FAT3: variants seen among roughly 807,000 people sequenced by gnomAD.
FAT3 encodes protocadherin Fat 3.
A neutral mutation model predicts 310.2 loss-of-function variants in FAT3; 95 were observed. The observed-to-expected ratio is 0.31, with a 90% CI of 0.26 to 0.36. FAT3 has a LOEUF of 0.36. Among genes scored for constraint, FAT3 ranks in the 10% least tolerant of loss-of-function variants. The pLI is 1.00. For missense variants in FAT3, 5,408 were observed against 5,715.6 expected, an observed-to-expected ratio of 0.95 and a Z score of 1.74; for synonymous variants, 2,314 against 2,192.9, an observed-to-expected ratio of 1.06 and a Z score of -1.54.
rs1757255479 is a variant in FAT3 at position 92,696,664 on chromosome 11, A to G, written c.3608-720A>G. On this transcript the variant is annotated intron_variant, in intron 3 of 27. Coordinates refer to ENST00000525166, the MANE Select transcript of FAT3 (RefSeq NM_001367949.2). ...TGACAAAAGGAATAATAAAACCTGC[A>G]AAAGACAAATTGGTGCAATAAGCTG... Among the ~76,000 whole-genome samples the G allele has an allele frequency of 2.0e-5, 3 of 152,234 alleles. 1 individual carries two copies. In the South Asian group the frequency reaches 6.2e-4, roughly 32 times the overall value.
rs61901552 is a variant in FAT3, at chr11:92,473,226, C to T, written c.3293-51408C>T. ...AAACTATGTTCTTCATGTTTGTATACTTAATTGGCGCAGTACTTACCATAG... is the reference window on the plus strand; with the variant it reads ...AAACTATGTTCTTCATGTTTGTATATTTAATTGGCGCAGTACTTACCATAG... On this transcript the variant is annotated intron_variant, in intron 2 of 27. Coordinates refer to ENST00000525166, the MANE Select transcript of FAT3 (RefSeq NM_001367949.2). Among the ~76,000 whole-genome samples, 826 of 152,220 alleles carry T rather than the reference C, an allele frequency of 5.4e-3. 9 individuals are homozygous for T. The highest frequency in any genetic ancestry group is 0.017 in the Middle Eastern group (5 of 294).
At chr11:92,262,139 G>GT (rs1865586930) in intron 1 of FAT3, among the ~76,000 whole-genome samples, 1 of 152,022 alleles carries the variant, frequency 6.6e-6, no homozygotes, top group African/African-American at 2.4e-5. Flanking sequence ...TGGAATAGTG[G>GT]TAAGAACCTC....
intron 4 of FAT3, among the ~76,000 whole-genome samples, chr11:92,714,836 T>TTGAA (rs903556159): frequency 4.5e-4 from 68 of 152,230 alleles, no homozygotes; most frequent in Middle Eastern, 3.4e-3. Flanking sequence ...AACTATTTAG[T>TTGAA]TGAATGAATG....
At chr11:92,777,249 A>C (rs1946621983) in intron 7 of FAT3, among the ~76,000 whole-genome samples, 1 of 152,210 alleles carries the variant, frequency 6.6e-6, no homozygotes, top group African/African-American at 2.4e-5. Context: ...CATGGGGTTC[A>C]AGTCATCCAT....
chr11:92,821,837 T>G (rs532247384), intron 13 of FAT3, among the ~76,000 whole-genome samples: 1 of 152,252 alleles, frequency 6.6e-6, no homozygotes, highest in East Asian at 1.9e-4. Flanking sequence ...ATTTACCTCC[T>G]ACCAGTGTTA....
chr11:92,753,587 A>C (rs945833186), intron 4 of FAT3, among the ~76,000 whole-genome samples: 1 of 152,112 alleles, frequency 6.6e-6, no homozygotes, highest in African/African-American at 2.4e-5. Flanking sequence ...AGGATATGGA[A>C]AAAAGGAATC....
chr11:92,457,531 T>C (rs1951522048), intron 2 of FAT3, among the ~76,000 whole-genome samples: 1 of 152,156 alleles, frequency 6.6e-6, no homozygotes, highest in African/African-American at 2.4e-5. Flanking sequence ...CATTAGTCGA[T>C]ATCCTGGCTT....
intron 4 of FAT3, among the ~76,000 whole-genome samples, chr11:92,741,541 T>G (rs1004040536): frequency 1.3e-5 from 2 of 152,258 alleles, no homozygotes; most frequent in African/African-American, 4.8e-5. Flanking sequence ...ATAATAAATG[T>G]GCTGAATATA....
intron 4 of FAT3, among the ~76,000 whole-genome samples, chr11:92,717,139 A>G (rs1000328304): frequency 6.6e-6 from 1 of 152,186 alleles, no homozygotes; most frequent in East Asian, 1.9e-4. Context: ...GTACAGTAAT[A>G]TATCAACTGT....
In FAT3 at chr11:92,228,228, T is replaced by G. The variant is rs966207599; in HGVS notation, c.-18+3054T>G. ...GGCTGCAGGATTTTCACAGCCAGGG[T>G]TTGTTGACCAGCGACTGGCTCTCAA... On this transcript the variant is annotated intron_variant, in intron 1 of 27. Transcript: ENST00000525166. Among the ~76,000 whole-genome samples, 125 of 152,254 alleles carry G rather than the reference T, an allele frequency of 8.2e-4. 1 individual carries two copies. Among genetic ancestry groups the G allele is most frequent in the African/African-American group, 2.9e-3 (120 of 41,546 alleles).
intron 2 of FAT3, among the ~76,000 whole-genome samples, chr11:92,361,385 A>C (rs1591170482): frequency 6.1e-5 from 9 of 147,062 alleles, no homozygotes; most frequent in African/African-American, 5.0e-5. Flanking sequence ...CTCATAGCTC[A>C]TGTTAGAACC....
chr11:92,785,840 G>T (rs944174487), intron 7 of FAT3, among the ~76,000 whole-genome samples: 1 of 152,070 alleles, frequency 6.6e-6, no homozygotes, highest in Non-Finnish European at 1.5e-5. Context: ...TGCTATACAG[G>T]TTTATTTAGA....
At chr11:92,785,628 A>G (rs1021621894) in intron 7 of FAT3, among the ~76,000 whole-genome samples, 3 of 152,196 alleles carry the variant, frequency 2.0e-5, no homozygotes, top group Admixed American at 6.5e-5. Context: ...GGTAGTACAT[A>G]TATAAACTTT....
chr11:92,323,690 A>C (rs964272152), intron 1 of FAT3, among the ~76,000 whole-genome samples: 20 of 151,360 alleles, frequency 1.3e-4, no homozygotes, highest in African/African-American at 4.9e-4. Context: ...TGTTCTATCG[A>C]CAGTGAACAA....
At chr11:92,482,995 G>T (rs1952275247) in intron 2 of FAT3, among the ~76,000 whole-genome samples, 1 of 152,320 alleles carries the variant, frequency 6.6e-6, no homozygotes, top group East Asian at 1.9e-4. Context: ...ATTACTGCAT[G>T]TACAATATGA....
At chr11:92,479,808 A>G (rs1424907829) in intron 2 of FAT3, among the ~76,000 whole-genome samples, 1 of 152,282 alleles carries the variant, frequency 6.6e-6, no homozygotes, top group African/African-American at 2.4e-5. Context: ...TGTAACTCCT[A>G]TATGGCCCTG....
chr11:92,506,586 A>G (rs1953106994), intron 2 of FAT3, among the ~76,000 whole-genome samples: 1 of 152,102 alleles, frequency 6.6e-6, no homozygotes, highest in Non-Finnish European at 1.5e-5. Context: ...ATTATCTTGA[A>G]TTTTCACAGA....
chr11:92,579,537 T>C (rs1938673316), intron 3 of FAT3, among the ~76,000 whole-genome samples: 1 of 152,086 alleles, frequency 6.6e-6, no homozygotes, highest in Non-Finnish European at 1.5e-5. Context: ...CATTCTATCA[T>C]ATATTGTAGT....
intron 4 of FAT3, among the ~76,000 whole-genome samples, chr11:92,750,894 C>A (rs1296235065): frequency 6.6e-6 from 1 of 152,194 alleles, no homozygotes; most frequent in Non-Finnish European, 1.5e-5. Context: ...TAGACAGTGG[C>A]AGATTGATTG....
Sources: allele counts gnomAD v4.1 joint callset (sites outside exome capture counted in the v4.1 genomes callset), GRCh38; gene constraint gnomAD v4.1.1; transcripts MANE v1.5; gene names NCBI Gene and HGNC (gene_info 2026-07-23, HGNC 2026-07-21).